The following MIX23 variants were observed in gnomAD, a reference collection of about 807,000 sequenced individuals.
MIX23 encodes the protein mitochondrial matrix import factor 23, also known as protein MIX23.
A neutral mutation model predicts 21.6 loss-of-function variants in MIX23; 13 were observed. That is an observed-to-expected ratio of 0.60 (90% CI 0.39 to 0.96). The LOEUF (loss-of-function observed/expected upper bound fraction) is 0.96. Among genes scored for constraint, MIX23 ranks in the 40% least tolerant of loss-of-function variants. MIX23 has a pLI of 0.00. For missense variants in MIX23, 144 were observed against 171.2 expected (o/e 0.84, Z 0.89); for synonymous variants, 59 against 58.0 (o/e 1.02, Z -0.08).
chr3:122,382,748 A>C (rs1488619820), intron 1 of MIX23, among the ~76,000 whole-genome samples: 1 of 152,200 alleles, frequency 6.6e-6, no homozygotes, highest in Admixed American at 6.5e-5. Flanking sequence ...AAAAATAGTA[A>C]ATTGCACCAA....
intron 1 of MIX23, among the ~76,000 whole-genome samples, chr3:122,376,781 G>A (rs1328431214): frequency 6.6e-6 from 1 of 152,184 alleles, no homozygotes; most frequent in Admixed American, 6.5e-5. Flanking sequence ...TAGACATAAA[G>A]ATGGAAAGAA....
At chr3:122,382,914 C>T (rs913996888) in intron 1 of MIX23, among the ~76,000 whole-genome samples, 1 of 152,230 alleles carries the variant, frequency 6.6e-6, no homozygotes, top group Non-Finnish European at 1.5e-5. Flanking sequence ...CCGAGCTTTA[C>T]CACAGCAGAT....
chr3:122,362,946 A>G (rs1389396964), intron 4 of MIX23, 22 bp downstream of exon 4: 1 of 1,607,944 alleles, frequency 6.2e-7, no homozygotes, highest in African/African-American at 1.3e-5. Flanking sequence ...ACTTCTTTCC[A>G]AACACCAACA....
intron 3 of MIX23, among the ~76,000 whole-genome samples, chr3:122,367,410 A>T (rs919112224): frequency 6.6e-6 from 1 of 152,238 alleles, no homozygotes; most frequent in African/African-American, 2.4e-5. Flanking sequence ...GACACGTCAC[A>T]TACAAGTGCT....
chr3:122,378,482 T>C (rs1041520094), intron 1 of MIX23, among the ~76,000 whole-genome samples: 6 of 152,236 alleles, frequency 3.9e-5, no homozygotes, highest in Non-Finnish European at 7.3e-5. Context: ...GTGATTCTGT[T>C]GTGTGAACAT....
chr3:122,369,269 A>G (rs138186232), intron 2 of MIX23, among the ~76,000 whole-genome samples: 152 of 152,328 alleles, frequency 1.0e-3, no homozygotes, highest in African/African-American at 3.5e-3. Context: ...TACAAGTTTT[A>G]CCTTGAGTAT....
chr3:122,372,870 T>C (rs2075453255), intron 1 of MIX23: 3 of 274,506 alleles, frequency 1.1e-5, no homozygotes, highest in Non-Finnish European at 1.4e-5. Context: ...CAGAATTATA[T>C]AATACTAGGA....
At chr3:122,371,615 TC>T in intron 2 of MIX23, 59 bp downstream of exon 2, 4 of 1,575,782 alleles carry the variant, frequency 2.5e-6, no homozygotes, top group Non-Finnish European at 3.5e-6. Flanking sequence ...ATAACTGATT[TC>T]TTATTCAGCC....
chr3:122,376,681 G>A (rs957016137), intron 1 of MIX23, among the ~76,000 whole-genome samples: 3 of 152,140 alleles, frequency 2.0e-5, no homozygotes, highest in African/African-American at 7.2e-5. Context: ...CATGGATGGA[G>A]CTGGAGGCCA....
At chr3:122,368,042 G>A in intron 3 of MIX23, 134 bp downstream of exon 3, 2 of 713,236 alleles carry the variant, frequency 2.8e-6, no homozygotes, top group South Asian at 1.7e-5. Flanking sequence ...CACTAAAAAT[G>A]AAGCACTAAT....
At chr3:122,370,049 C>G (rs1175504932) in intron 2 of MIX23, among the ~76,000 whole-genome samples, 1 of 152,184 alleles carries the variant, frequency 6.6e-6, no homozygotes, top group Non-Finnish European at 1.5e-5. Flanking sequence ...TGCACCTGGC[C>G]AGCAATATTT....
Position 122,371,799 on chromosome 3 carries a change from TC to T in MIX23, c.52del (p.Glu18AsnfsTer5). 6.3e-7 allele frequency: 1 copy of T among 1,587,378 alleles called. No individual in the cohort carries two copies. Among genetic ancestry groups the T allele is most frequent in the Non-Finnish European group, 8.6e-7 (1 of 1,160,360 alleles). On this transcript the variant is annotated frameshift_variant and splice_region_variant, in exon 2 of 5. Transcript: ENST00000291458. LOFTEE classifies it high-confidence loss of function. ...AATTGTCCTCATCACCTTGAGTAAT[TC>T]CTATATGTATTTAAAATAAAAGAAT... ...VNCEEFAEFQ[E>X]LLKVMRTIDD...
intron 4 of MIX23, among the ~76,000 whole-genome samples, chr3:122,361,406 G>A (rs1349177968): frequency 6.6e-6 from 1 of 152,104 alleles, no homozygotes; most frequent in Non-Finnish European, 1.5e-5. Context: ...CACACTGGTT[G>A]GGGTGATATA....
intron 4 of MIX23, among the ~76,000 whole-genome samples, chr3:122,362,715 C>T (rs2075366740): frequency 6.6e-6 from 1 of 152,126 alleles, no homozygotes; most frequent in African/African-American, 2.4e-5. Context: ...GTTGGGATTA[C>T]AGGTGTGAGC....
chr3:122,376,204 T>C (rs1278435676), intron 1 of MIX23, among the ~76,000 whole-genome samples: 6 of 149,016 alleles, frequency 4.0e-5, no homozygotes, highest in Non-Finnish European at 7.4e-5. Context: ...CCTGTACTTA[T>C]ATGTTGATCA....
Position 122,359,856 on chromosome 3 carries a change from A to AAAAT in MIX23, c.*12_*13insATTT. On this transcript the variant is annotated 3_prime_UTR_variant, in exon 5 of 5. Transcript: ENST00000291458. ...AAAAAAAAAAAAAAAAAAAAAAAAA[A>AAAAT]AAGAATCTCTCTTTATTCATTCTTT... is the stretch of plus-strand genomic sequence containing the variant. The AAAAT allele has an allele frequency of 6.9e-7, 1 of 1,447,474 alleles. No homozygotes were observed. Among genetic ancestry groups the AAAAT allele is most frequent in the Non-Finnish European group, 9.2e-7 (1 of 1,090,272 alleles). 89.7% of individuals were successfully genotyped at this position (1,447,474 alleles called of 1,614,324 possible).
chr3:122,362,575 G>T (rs1268818127), intron 4 of MIX23, among the ~76,000 whole-genome samples: 1 of 151,442 alleles, frequency 6.6e-6, no homozygotes, highest in Non-Finnish European at 1.5e-5. Flanking sequence ...TCTGCCTCCT[G>T]GGTTCGAGCG....
chr3:122,377,038 G>C (rs568319618), intron 1 of MIX23, among the ~76,000 whole-genome samples: 1 of 152,048 alleles, frequency 6.6e-6, no homozygotes, highest in African/African-American at 2.4e-5. Context: ...AAAATTAGCC[G>C]CGCATGGTGG....
chr3:122,363,579 C>T lies in MIX23; in HGVS notation c.325-552G>A, dbSNP rs146047525. 8.9e-4 allele frequency among the ~76,000 whole-genome samples: 135 copies of T among 151,716 alleles called. 1 individual carries two copies. The East Asian group carries it at 0.014, about 16-fold the overall frequency. On this transcript the variant is annotated intron_variant, in intron 3 of 4. Coordinates refer to ENST00000291458, the MANE Select transcript of MIX23 (RefSeq NM_001017928.4). Reference sequence around the variant, plus strand: ...TAGAGATTGATCATACAACTACAGACTTGCAAAGATAGCACAGAGGAAAAA... The same window carrying T: ...TAGAGATTGATCATACAACTACAGATTTGCAAAGATAGCACAGAGGAAAAA...
Sources: allele counts gnomAD v4.1 joint callset (sites outside exome capture counted in the v4.1 genomes callset), GRCh38; gene constraint gnomAD v4.1.1; transcripts MANE v1.5; gene names NCBI Gene and HGNC (gene_info 2026-07-23, HGNC 2026-07-21).